CTNNA2: variants seen among roughly 807,000 people sequenced by gnomAD.
The protein encoded by CTNNA2 is catenin alpha-2.
Under a neutral mutation model 101.0 loss-of-function variants are expected in CTNNA2, and 42 were observed. That is an observed-to-expected ratio of 0.42 (90% CI 0.32 to 0.54). The LOEUF (loss-of-function observed/expected upper bound fraction) is 0.54. Ranked by LOEUF, CTNNA2 falls within the 20% of genes least tolerant of loss-of-function variation. The pLI is 0.14. For missense variants in CTNNA2, 871 were observed against 1,223.1 expected, an observed-to-expected ratio of 0.71 and a Z score of 4.29; for synonymous variants, 450 against 456.4, an observed-to-expected ratio of 0.99 and a Z score of 0.18.
intron 7 of CTNNA2, among the ~76,000 whole-genome samples, chr2:80,017,080 G>T (rs1694202082): frequency 6.6e-6 from 1 of 152,148 alleles, no homozygotes; most frequent in African/African-American, 2.4e-5. Context: ...CTGGGAGGGA[G>T]CCCAGGGCTT....
chr2:79,651,689 A>C, intron 2 of CTNNA2, 31 bp downstream of exon 2: 2 of 1,566,812 alleles, frequency 1.3e-6, no homozygotes, highest in Non-Finnish European at 1.8e-6. Flanking sequence ...ACTTTGTTAT[A>C]TATGTGTTTC....
chr2:79,504,741 T>C (rs556740146), intron 4 of CTNNA2, among the ~76,000 whole-genome samples: 83 of 152,310 alleles, frequency 5.4e-4, no homozygotes, highest in Non-Finnish European at 9.6e-4. Context: ...GGATGCATCT[T>C]GATCAGGAGA....
At chr2:80,544,222 T>C (rs1473555106) in intron 9 of CTNNA2, among the ~76,000 whole-genome samples, 1 of 151,262 alleles carries the variant, frequency 6.6e-6, no homozygotes, top group South Asian at 2.1e-4. Flanking sequence ...CAGAGCCAAC[T>C]GTTTGAAGAC....
intron 4 of CTNNA2, among the ~76,000 whole-genome samples, chr2:79,862,937 T>A (rs1177965673): frequency 6.6e-6 from 1 of 152,192 alleles, no homozygotes; most frequent in Non-Finnish European, 1.5e-5. Flanking sequence ...GGTAATAGCT[T>A]CAGGCAAGGC....
At chr2:79,884,877 G>GA (rs1414719213) in intron 6 of CTNNA2, among the ~76,000 whole-genome samples, 1 of 151,946 alleles carries the variant, frequency 6.6e-6, no homozygotes, top group Non-Finnish European at 1.5e-5. Context: ...CTGGTGCACG[G>GA]AAAAATAATC....
intron 7 of CTNNA2, among the ~76,000 whole-genome samples, chr2:80,192,181 CT>C (rs1223791957): frequency 6.6e-6 from 1 of 152,176 alleles, no homozygotes; most frequent in Non-Finnish European, 1.5e-5. Flanking sequence ...CATTTTCACA[CT>C]GATAAGGAAA....
At chr2:79,751,475 A>G (rs1672029111) in intron 3 of CTNNA2, among the ~76,000 whole-genome samples, 1 of 151,544 alleles carries the variant, frequency 6.6e-6, no homozygotes, top group African/African-American at 2.4e-5. Context: ...TCATGCCTGT[A>G]GCTCCAGATA....
intron 7 of CTNNA2, among the ~76,000 whole-genome samples, chr2:80,197,690 C>T (rs1323248457): frequency 6.6e-6 from 1 of 152,126 alleles, no homozygotes; most frequent in African/African-American, 2.4e-5. Context: ...GCCAACCTGA[C>T]CCTTGATGTG....
chr2:79,587,012 C>T lies in CTNNA2; in HGVS notation c.-5-64540C>T, dbSNP rs201867564. ...AAGGCCATTGTTTCATTCCATTTTACGGCTGCGTAGTATTCCATGATGTAT... is the reference window on the plus strand; with the variant it reads ...AAGGCCATTGTTTCATTCCATTTTATGGCTGCGTAGTATTCCATGATGTAT... On this transcript the variant is annotated intron_variant, in intron 1 of 18. Transcript: ENST00000402739. Among the ~76,000 whole-genome samples, 32 of 152,276 alleles carry T rather than the reference C, an allele frequency of 2.1e-4. No individual in the cohort carries two copies. The South Asian group carries it at 3.7e-3, about 18-fold the overall frequency.
chr2:79,848,985 C>T (rs1276856032), intron 3 of CTNNA2, among the ~76,000 whole-genome samples: 1 of 150,738 alleles, frequency 6.6e-6, no homozygotes, highest in Admixed American at 6.6e-5. Context: ...CCCCACCAAC[C>T]ACCTGACCAC....
At chr2:79,476,368 A>G (rs1224300575) in intron 4 of CTNNA2, among the ~76,000 whole-genome samples, 1 of 152,182 alleles carries the variant, frequency 6.6e-6, no homozygotes, top group Non-Finnish European at 1.5e-5. Flanking sequence ...ATCCAAGAGA[A>G]CTGGGCTGAA....
chr2:80,559,891 T>TTTTTATATATATATATATATATACAC (rs67796030), intron 12 of CTNNA2, among the ~76,000 whole-genome samples: 1 of 146,818 alleles, frequency 6.8e-6, no homozygotes. Context: ...TATATATATA[T>TTTTTATATATATATATATATATACAC]ACACACACAT....
chr2:80,212,830 A>T (rs113585851), intron 7 of CTNNA2, among the ~76,000 whole-genome samples: 4,557 of 152,204 alleles, frequency 0.03, 242 homozygotes, highest in African/African-American at 0.1. Flanking sequence ...TTGGCTGTGA[A>T]TCCATCTGGT....
chr2:80,569,643 T>TG (rs1385825553), intron 12 of CTNNA2, among the ~76,000 whole-genome samples: 2 of 69,918 alleles, frequency 2.9e-5, no homozygotes, highest in African/African-American at 7.9e-5. Flanking sequence ...GTTTTTTTTT[T>TG]TTTTTTTTTT....
chr2:79,403,816 G>A lies in CTNNA2; in HGVS notation c.-135+29803G>A, dbSNP rs528857463. On this transcript the variant is annotated intron_variant, in intron 4 of 21. Coordinates refer to the CTNNA2 transcript ENST00000466387. ...CAAGAAATGAGAAACTTCATTGAGT[G>A]TTGATGGGGGTGTAATTAACATAGT... Among the ~76,000 whole-genome samples the A allele has an allele frequency of 3.3e-5, 5 of 152,118 alleles. No homozygotes were observed. In the South Asian group the frequency reaches 1.0e-3, roughly 31 times the overall value.
chr2:80,008,930 G>A (rs926370172), intron 7 of CTNNA2, among the ~76,000 whole-genome samples: 1 of 152,200 alleles, frequency 6.6e-6, no homozygotes, highest in Non-Finnish European at 1.5e-5. Flanking sequence ...GCATGGAGGA[G>A]CTGGCTTACA....
intron 2 of CTNNA2, among the ~76,000 whole-genome samples, chr2:79,682,410 CAAAA>C (rs10674928): frequency 7.6e-4 from 56 of 73,318 alleles, no homozygotes; most frequent in Admixed American, 1.8e-3. Flanking sequence ...AACTCCATCT[CAAAA>C]AAAAAAAAAA....
chr2:79,970,388 C>A (rs1480750320), intron 7 of CTNNA2, among the ~76,000 whole-genome samples: 1 of 152,130 alleles, frequency 6.6e-6, no homozygotes, highest in Non-Finnish European at 1.5e-5. Context: ...TGTCAAAGAG[C>A]CTGTCTTAAT....
chr2:80,311,140 T>A (rs1308775422), intron 7 of CTNNA2, among the ~76,000 whole-genome samples: 1 of 152,234 alleles, frequency 6.6e-6, no homozygotes, highest in Admixed American at 6.5e-5. Flanking sequence ...TTCTGGTTTT[T>A]AGTCATTATA....
Sources: gnomAD v4.1 joint callset for allele counts (sites outside exome capture counted in the v4.1 genomes callset) on GRCh38, gnomAD v4.1.1 for gene constraint, MANE v1.5 for transcripts, NCBI Gene and HGNC (gene_info 2026-07-23, HGNC 2026-07-21) for gene names.